HDAC9: variants seen among roughly 807,000 people sequenced by gnomAD.
HDAC9 encodes the protein MEF-2 interacting transcription repressor (MITR) protein.
A neutral mutation model predicts 139.4 loss-of-function variants in HDAC9; 41 were observed. The observed-to-expected ratio is 0.29, with a 90% CI of 0.23 to 0.38. The LOEUF (loss-of-function observed/expected upper bound fraction) is 0.38, where lower values mean the gene tolerates loss of function less well. HDAC9 is among the 10% of genes least tolerant of loss of function. HDAC9 has a pLI of 1.00. For synonymous variants in HDAC9, 517 were observed against 476.2 expected (o/e 1.09, Z -1.12); for missense variants, 1,147 against 1,297.0 (o/e 0.88, Z 1.78).
At chr7:18,135,261 T>C (rs1452579225) in intron 1 of HDAC9, among the ~76,000 whole-genome samples, 3 of 151,802 alleles carry the variant, frequency 2.0e-5, no homozygotes, top group African/African-American at 7.2e-5. Context: ...CTTTCTTTTT[T>C]TTTTTTTTTT....
intron 12 of HDAC9, among the ~76,000 whole-genome samples, chr7:18,684,118 T>C (rs1483279146): frequency 6.6e-6 from 1 of 150,930 alleles, no homozygotes; most frequent in East Asian, 2.0e-4. Context: ...ATAAGCCATG[T>C]GTGATGGTGC....
chr7:18,561,847 C>T (rs1820716519), intron 2 of HDAC9, among the ~76,000 whole-genome samples: 1 of 152,184 alleles, frequency 6.6e-6, no homozygotes, highest in Non-Finnish European at 1.5e-5. Context: ...AGTGAATCAG[C>T]AGATGTGTAT....
At chr7:18,632,757 A>T (rs928119360) in intron 7 of HDAC9, among the ~76,000 whole-genome samples, 1 of 152,028 alleles carries the variant, frequency 6.6e-6, no homozygotes, top group East Asian at 1.9e-4. Flanking sequence ...TGACTCAGAA[A>T]TATGAGCAGA....
intron 6 of HDAC9, among the ~76,000 whole-genome samples, chr7:18,602,313 C>G (rs771334679): frequency 9.2e-5 from 14 of 151,934 alleles, no homozygotes; most frequent in Non-Finnish European, 1.6e-4. Flanking sequence ...TCTTTCATTT[C>G]TAATATTAGT....
intron 1 of HDAC9, among the ~76,000 whole-genome samples, chr7:18,152,959 C>T (rs947063390): frequency 1.3e-5 from 2 of 152,068 alleles, no homozygotes; most frequent in Non-Finnish European, 2.9e-5. Flanking sequence ...AAGGAAGTTT[C>T]TGTAGACAAA....
chr7:18,600,089 G>GCTATCT (rs1833559536), intron 6 of HDAC9, among the ~76,000 whole-genome samples: 1 of 151,480 alleles, frequency 6.6e-6, no homozygotes, highest in Non-Finnish European at 1.5e-5. Context: ...TATGTCATTT[G>GCTATCT]CTATCTCTGT....
chr7:18,487,003 A>G (rs1796023641), intron 1 of HDAC9, among the ~76,000 whole-genome samples: 1 of 152,078 alleles, frequency 6.6e-6, no homozygotes, highest in South Asian at 2.1e-4. Context: ...TGGGGGATGA[A>G]AAGGATTTAC....
chr7:18,651,663 T>G (rs565489706), intron 11 of HDAC9, among the ~76,000 whole-genome samples: 1 of 152,054 alleles, frequency 6.6e-6, no homozygotes, highest in Non-Finnish European at 1.5e-5. Context: ...TTAATGTGTT[T>G]ATAAAATATT....
chr7:18,361,133 C>G (rs1207407537), intron 1 of HDAC9, among the ~76,000 whole-genome samples: 2 of 152,016 alleles, frequency 1.3e-5, no homozygotes, highest in Non-Finnish European at 2.9e-5. Context: ...TGTCTACATA[C>G]CATCCAACTA....
At chr7:18,655,148 G>T (rs1790691285) in intron 11 of HDAC9, among the ~76,000 whole-genome samples, 1 of 152,144 alleles carries the variant, frequency 6.6e-6, no homozygotes, top group Admixed American at 6.6e-5. Flanking sequence ...AAAAATGGAT[G>T]AGTAGAAACT....
At chr7:18,980,726 C>CCTT (rs747058445) in intron 25 of HDAC9, among the ~76,000 whole-genome samples, 1,361 of 133,262 alleles carry the variant, frequency 0.01, 34 homozygotes, top group African/African-American at 0.036. Context: ...TCTTCTTCTT[C>CCTT]CTTCTTCTTC....
chr7:18,129,018 C>T (rs893977705), intron 1 of HDAC9, among the ~76,000 whole-genome samples: 3 of 152,156 alleles, frequency 2.0e-5, no homozygotes, highest in Non-Finnish European at 2.9e-5. Context: ...TGTGCTTTTT[C>T]GCAAGAGAGA....
Position 18,601,691 on chromosome 7 carries a change from G to GT in HDAC9, c.664+7666dup, listed in dbSNP as rs1252168550. Among the ~76,000 whole-genome samples the GT allele has an allele frequency of 3.3e-5, 5 of 152,038 alleles. No individual in the cohort carries two copies. The East Asian group carries it at 9.6e-4, about 29-fold the overall frequency. On this transcript the variant is annotated intron_variant, in intron 6 of 25. Transcript: ENST00000686413. The stretch of plus-strand genomic sequence containing the variant: ...GAGAGTCCTCACAAATTAATGTTGG[G>GT]TTTTGTCAAGTCTCTTTTCTGTATC...
intron 12 of HDAC9, among the ~76,000 whole-genome samples, chr7:18,707,430 G>T (rs555261549): frequency 6.6e-6 from 1 of 152,118 alleles, no homozygotes; most frequent in African/African-American, 2.4e-5. Context: ...TTATAGAGCA[G>T]AAAAATTGAA....
At chr7:18,689,744 T>C (rs1174157577) in intron 12 of HDAC9, among the ~76,000 whole-genome samples, 6 of 152,004 alleles carry the variant, frequency 3.9e-5, no homozygotes, top group African/African-American at 9.7e-5. Flanking sequence ...TTCCCTTTGA[T>C]TTAAACAGGA....
chr7:18,880,815 G>C (rs1201804533), intron 22 of HDAC9, among the ~76,000 whole-genome samples: 1 of 131,892 alleles, frequency 7.6e-6, no homozygotes, highest in Non-Finnish European at 1.6e-5. Context: ...AAAATTAAGT[G>C]ATTTAAAAAA....
intron 8 of HDAC9, 115 bp downstream of exon 8, chr7:18,634,857 G>A (rs1783405679): frequency 3.0e-6 from 2 of 656,410 alleles, no homozygotes; most frequent in Non-Finnish European, 5.3e-6. Context: ...ATGAATTGAA[G>A]TTTACTCAGT....
At chr7:18,886,554 G>C (rs564636063) in intron 22 of HDAC9, among the ~76,000 whole-genome samples, 1 of 151,904 alleles carries the variant, frequency 6.6e-6, no homozygotes, top group Non-Finnish European at 1.5e-5. Flanking sequence ...TTTTCATAGT[G>C]GTATATAAAA....
intron 1 of HDAC9, among the ~76,000 whole-genome samples, chr7:18,475,588 A>G (rs1795053644): frequency 6.6e-6 from 1 of 152,194 alleles, no homozygotes; most frequent in South Asian, 2.1e-4. Context: ...TTCTAATTTT[A>G]CTAACACTGT....
Sources: gnomAD v4.1 joint callset for allele counts (sites outside exome capture counted in the v4.1 genomes callset) on GRCh38, gnomAD v4.1.1 for gene constraint, MANE v1.5 for transcripts, NCBI Gene and HGNC (gene_info 2026-07-23, HGNC 2026-07-21) for gene names.